CALN1: variants seen among roughly 807,000 people sequenced by gnomAD.
CALN1 encodes calneuron 1, also known as calcium-binding protein 8.
A neutral mutation model predicts 30.6 loss-of-function variants in CALN1; 17 were observed. That is an observed-to-expected ratio of 0.56 (90% CI 0.38 to 0.83). CALN1 has a LOEUF of 0.83. CALN1 is among the 40% of genes least tolerant of loss of function. The pLI, the probability that CALN1 is intolerant of heterozygous loss-of-function variation, is 0.00. For missense variants in CALN1, 291 were observed against 354.9 expected (o/e 0.82, Z 1.45); for synonymous variants, 156 against 131.4 (o/e 1.19, Z -1.28).
At chr7:72,216,632 G>A (rs1792836083) in intron 3 of CALN1, among the ~76,000 whole-genome samples, 1 of 151,994 alleles carries the variant, frequency 6.6e-6, no homozygotes, top group Non-Finnish European at 1.5e-5. Context: ...TCTCACTCCT[G>A]AGTTCTAGAC....
chr7:72,323,616 T>G (rs918015206), intron 2 of CALN1, among the ~76,000 whole-genome samples: 4 of 144,252 alleles, frequency 2.8e-5, no homozygotes, highest in Non-Finnish European at 4.5e-5. Context: ...TGAGCTGAGA[T>G]CACGCCACAG....
chr7:72,298,108 T>C (rs906172808), intron 2 of CALN1, among the ~76,000 whole-genome samples: 1 of 152,218 alleles, frequency 6.6e-6, no homozygotes, highest in East Asian at 1.9e-4. Flanking sequence ...AAGGTTCCTT[T>C]GAGAAGCGGT....
chr7:72,487,037 G>A, the CALN1 span, among the ~76,000 whole-genome samples: 1 of 152,118 alleles, frequency 6.6e-6, no homozygotes, highest in Non-Finnish European at 1.5e-5. Flanking sequence ...CGTCGATGTG[G>A]ATGTATCTCT....
chr7:71,836,639 T>TC (rs1554350183), intron 5 of CALN1, among the ~76,000 whole-genome samples: 11 of 150,904 alleles, frequency 7.3e-5, no homozygotes, highest in African/African-American at 2.7e-4. Flanking sequence ...TTTTTTTTTT[T>TC]CTGAGACAGA....
intron 6 of CALN1, among the ~76,000 whole-genome samples, chr7:71,792,438 T>C (rs1423095732): frequency 6.6e-6 from 1 of 152,286 alleles, no homozygotes; most frequent in Non-Finnish European, 1.5e-5. Context: ...TTAAAGTATA[T>C]GTGGCTCAGC....
At chr7:72,096,418 C>A (rs530837729) in intron 4 of CALN1, among the ~76,000 whole-genome samples, 217 of 152,276 alleles carry the variant, frequency 1.4e-3, no homozygotes, top group Non-Finnish European at 2.3e-3. Context: ...TTCTCTGTAG[C>A]CAAAGAGTTT....
intron 4 of CALN1, among the ~76,000 whole-genome samples, chr7:72,072,002 G>T (rs1179060820): frequency 6.6e-6 from 1 of 152,112 alleles, no homozygotes; most frequent in Admixed American, 6.6e-5. Flanking sequence ...AAAAAAGACT[G>T]AAGAAAAGCA....
At chr7:71,937,297 T>C (rs1175523266) in intron 5 of CALN1, among the ~76,000 whole-genome samples, 2 of 151,322 alleles carry the variant, frequency 1.3e-5, no homozygotes, top group Non-Finnish European at 2.9e-5. Flanking sequence ...GCAACAAGAG[T>C]GAAACTTTGT....
intron 3 of CALN1, among the ~76,000 whole-genome samples, chr7:72,178,003 G>A (rs1789487740): frequency 6.6e-6 from 1 of 152,130 alleles, no homozygotes; most frequent in Admixed American, 6.5e-5. Flanking sequence ...AAGCTCATTT[G>A]GTAGAAGTTG....
intron 3 of CALN1, among the ~76,000 whole-genome samples, chr7:72,218,072 G>A (rs1023198087): frequency 2.2e-4 from 34 of 151,198 alleles, no homozygotes; most frequent in Admixed American, 2.0e-3. Context: ...TTGATCTCCT[G>A]ACCTCGTGAT....
chr7:71,809,592 C>T lies in CALN1; in HGVS notation c.658+744G>A, dbSNP rs371103263. ...TGTAATTAAAAATTTTTTTTCTATACAACAGGGCTATTAAAACCACTCTGA... is the reference window on the plus strand; with the variant it reads ...TGTAATTAAAAATTTTTTTTCTATATAACAGGGCTATTAAAACCACTCTGA... On this transcript the variant is annotated intron_variant, in intron 6 of 6. Transcript: ENST00000395275. Among the ~76,000 whole-genome samples the T allele has an allele frequency of 8.6e-5, 13 of 151,192 alleles. No homozygotes were observed. In the East Asian group the frequency reaches 1.7e-3, roughly 20 times the overall value.
intron 3 of CALN1, among the ~76,000 whole-genome samples, chr7:72,200,411 C>T (rs1333720215): frequency 1.3e-5 from 2 of 152,178 alleles, no homozygotes; most frequent in Non-Finnish European, 2.9e-5. Flanking sequence ...AATGCTTAAC[C>T]ATAGTGAGCA....
intron 3 of CALN1, among the ~76,000 whole-genome samples, chr7:72,179,022 G>A (rs933634767): frequency 1.3e-5 from 2 of 152,142 alleles, no homozygotes; most frequent in African/African-American, 2.4e-5. Flanking sequence ...ATGAAAACTG[G>A]TGATTTTTTT....
chr7:72,056,518 A>G (rs1302119991), intron 4 of CALN1, among the ~76,000 whole-genome samples: 1 of 152,158 alleles, frequency 6.6e-6, no homozygotes, highest in East Asian at 1.9e-4. Context: ...CTCACTTGGC[A>G]TTTTACTCTA....
At position 72,403,381 on chromosome 7, in the gene CALN1, G is replaced by A. The variant is rs771590615; in HGVS notation, c.-12C>T. ...TCTGGCAGCCGCATCGGGGGTCCAGGGCGATGTTCTCAGAGAGAGTTAGAA... is the reference window on the plus strand; with the variant it reads ...TCTGGCAGCCGCATCGGGGGTCCAGAGCGATGTTCTCAGAGAGAGTTAGAA... On this transcript the variant is annotated 5_prime_UTR_variant, in exon 2 of 7. Transcript: ENST00000395275. The A allele has an allele frequency of 1.3e-4, 206 of 1,539,020 alleles. 1 individual carries two copies. In the Admixed American group the frequency reaches 3.9e-3, roughly 29 times the overall value.
At chr7:72,323,552 A>C (rs556045533) in intron 2 of CALN1, among the ~76,000 whole-genome samples, 1 of 152,094 alleles carries the variant, frequency 6.6e-6, no homozygotes, top group East Asian at 1.9e-4. Flanking sequence ...AATCCCAGCT[A>C]CTCAGGAGGC....
chr7:72,085,102 A>T (rs1293116620), intron 4 of CALN1, among the ~76,000 whole-genome samples: 1 of 152,202 alleles, frequency 6.6e-6, no homozygotes, highest in Non-Finnish European at 1.5e-5. Context: ...TACGGTCAGA[A>T]GGTCAATAGC....
At chr7:72,329,394 C>G (rs1442057448) in intron 2 of CALN1, among the ~76,000 whole-genome samples, 1 of 152,188 alleles carries the variant, frequency 6.6e-6, no homozygotes, top group Non-Finnish European at 1.5e-5. Flanking sequence ...ATATCATTCA[C>G]CTGTTTAAAA....
intron 3 of CALN1, among the ~76,000 whole-genome samples, chr7:72,205,551 A>T (rs192211605): frequency 0.02 from 1,660 of 83,036 alleles, 112 homozygotes; most frequent in Admixed American, 0.022. Flanking sequence ...GCAAAAAAAA[A>T]ATATATATAT....
Sources: allele counts gnomAD v4.1 joint callset (sites outside exome capture counted in the v4.1 genomes callset), GRCh38; gene constraint gnomAD v4.1.1; transcripts MANE v1.5; gene names NCBI Gene and HGNC (gene_info 2026-07-23, HGNC 2026-07-21).